ANKRD11: variants seen among roughly 807,000 people sequenced by gnomAD.
The protein encoded by ANKRD11 is ankyrin repeat domain-containing protein 11.
In ANKRD11, 17 loss-of-function variants were observed where a neutral mutation model predicts 195.7. The ratio of observed to expected loss-of-function variants is 0.09; its 90% CI spans 0.06 to 0.13. The LOEUF (loss-of-function observed/expected upper bound fraction) is 0.13. ANKRD11 is among the 10% of genes least tolerant of loss of function. ANKRD11 has a pLI of 1.00. For synonymous variants in ANKRD11, 1,953 were observed against 1,528.1 expected, an observed-to-expected ratio of 1.28 and a Z score of -6.49; for missense variants, 3,735 against 3,566.1, an observed-to-expected ratio of 1.05 and a Z score of -1.21.
At chr16:89,350,202 G>A (rs957663665) in intron 2 of ANKRD11, among the ~76,000 whole-genome samples, 2 of 152,202 alleles carry the variant, frequency 1.3e-5, no homozygotes, top group Non-Finnish European at 2.9e-5. Flanking sequence ...CAAGGACAGA[G>A]CAGATGGAAT....
chr16:89,356,780 C>CAAAAAAA (rs58470031), intron 2 of ANKRD11, among the ~76,000 whole-genome samples: 1 of 103,986 alleles, frequency 9.6e-6, no homozygotes, highest in African/African-American at 3.8e-5. Context: ...GACTCCGTCT[C>CAAAAAAA]AAAAAAAAAA....
At chr16:89,309,832 G>A (rs1029937471) in intron 3 of ANKRD11, among the ~76,000 whole-genome samples, 1 of 152,168 alleles carries the variant, frequency 6.6e-6, no homozygotes, top group Non-Finnish European at 1.5e-5. Flanking sequence ...ATCCTTACCA[G>A]GCACCTCCTG....
chr16:89,488,804 C>T (rs553803267), intron 1 of ANKRD11, among the ~76,000 whole-genome samples: 240 of 152,286 alleles, frequency 1.6e-3, no homozygotes, highest in African/African-American at 5.6e-3. Flanking sequence ...GGATATTGCT[C>T]TAATGACTGC....
At chr16:89,411,605 G>C (rs1597325956) in intron 2 of ANKRD11, among the ~76,000 whole-genome samples, 2 of 152,102 alleles carry the variant, frequency 1.3e-5, no homozygotes, top group East Asian at 3.9e-4. Flanking sequence ...GGAGAGATGG[G>C]GTCTTGCCAC....
chr16:89,398,323 C>G (rs2041544737), intron 2 of ANKRD11, among the ~76,000 whole-genome samples: 2 of 136,806 alleles, frequency 1.5e-5, no homozygotes, highest in Non-Finnish European at 3.2e-5. Context: ...CACTGTGAAA[C>G]AGCTGAAGAC....
At chr16:89,437,562 T>C (rs968015794) in intron 1 of ANKRD11, among the ~76,000 whole-genome samples, 1 of 152,092 alleles carries the variant, frequency 6.6e-6, no homozygotes, top group Non-Finnish European at 1.5e-5. Context: ...GAGACAGTCC[T>C]CCAGAGCTCT....
intron 3 of ANKRD11, among the ~76,000 whole-genome samples, chr16:89,315,764 C>T (rs576990532): frequency 1.6e-4 from 24 of 152,326 alleles, no homozygotes; most frequent in Middle Eastern, 3.4e-3. Context: ...AAATGCTTCA[C>T]GATTCACCAA....
intron 1 of ANKRD11, among the ~76,000 whole-genome samples, chr16:89,428,568 A>G (rs1157745021): frequency 6.6e-6 from 1 of 152,058 alleles, no homozygotes; most frequent in Non-Finnish European, 1.5e-5. Context: ...AAATTCTGCA[A>G]TAACCAACAT....
At chr16:89,343,874 G>C (rs2038814102) in intron 2 of ANKRD11, 2 of 152,282 alleles carry the variant, frequency 1.3e-5, no homozygotes, top group African/African-American at 4.8e-5. Context: ...CACTCCCATG[G>C]ACCAACAGAG....
intron 12 of ANKRD11, chr16:89,270,511 T>G: frequency 2.3e-6 from 1 of 436,732 alleles, no homozygotes; most frequent in Non-Finnish European, 4.3e-6. Context: ...GCTGGGACCT[T>G]AGAGGGGGCT....
rs1385019567 is a variant in ANKRD11, at chr16:89,285,168, T to C, written c.1374A>G (p.Arg458=). 1 of 1,613,498 alleles carries C rather than the reference T, an allele frequency of 6.2e-7. No homozygotes were observed. Among genetic ancestry groups the C allele is most frequent in the African/African-American group, 1.3e-5 (1 of 75,054 alleles). ...QKEKNKVKKK[R]KKETKGREVR... The stretch of plus-strand genomic sequence containing the variant: ...CCTCTCTGCCTTTTGTTTCTTTCTT[T>C]CGCTTCTTTTTCACTTTATTTTTTT... The change falls in exon 9 of 13, where the codon CGA becomes CGG. Residue 458 remains arginine (R), a synonymous_variant. Transcript: ENST00000301030. The surrounding 1 kb of genome is among the most constrained non-coding windows in gnomAD (Gnocchi z 5.6).
intron 2 of ANKRD11, among the ~76,000 whole-genome samples, chr16:89,361,128 C>T (rs2039712135): frequency 6.6e-6 from 1 of 152,196 alleles, no homozygotes; most frequent in African/African-American, 2.4e-5. Context: ...TTACAGACAC[C>T]CTGGCTAGGC....
chr16:89,437,331 T>C (rs1239846406), intron 1 of ANKRD11, among the ~76,000 whole-genome samples: 6 of 152,226 alleles, frequency 3.9e-5, no homozygotes, highest in East Asian at 1.9e-4. Flanking sequence ...TGAAAGACTG[T>C]ATTGTTTGCC....
intron 1 of ANKRD11, among the ~76,000 whole-genome samples, chr16:89,466,131 G>A (rs751259117): frequency 2.6e-5 from 4 of 152,148 alleles, no homozygotes; most frequent in African/African-American, 7.2e-5. Context: ...TGCACTGGCC[G>A]TGGGCTCAGG....
chr16:89,283,481 C>T lies in ANKRD11; in HGVS notation c.3061G>A (p.Glu1021Lys). Reference protein sequence around the residue: ...KKDGPDKERKEKTKPERYKEK... With the variant: ...KKDGPDKERKKKTKPERYKEK... ...TTGTATCTTTCTGGTTTTGTCTTCT[C>T]CTTCCTTTCCTTATCGGGGCCATCC... The change falls in exon 9 of 13, where the codon GAG becomes AAG. Residue 1021 changes from glutamate to lysine, a missense_variant. By Grantham distance (56) the Glu-to-Lys change is moderately conservative (BLOSUM62 1). Transcript: ENST00000301030. This position sits in a 1 kb window ranked among gnomAD's most constrained non-coding sequence, Gnocchi z 4.3. 6.2e-7 allele frequency: 1 copy of T among 1,614,166 alleles called. No homozygotes were observed.
intron 3 of ANKRD11, among the ~76,000 whole-genome samples, chr16:89,307,130 C>CA (rs2036331077): frequency 6.6e-6 from 1 of 152,212 alleles, no homozygotes; most frequent in African/African-American, 2.4e-5. Flanking sequence ...CTTTCCCCAT[C>CA]AGTAAGCCTT....
intron 3 of ANKRD11, among the ~76,000 whole-genome samples, chr16:89,313,865 G>A (rs985911232): frequency 1.3e-5 from 2 of 152,202 alleles, no homozygotes; most frequent in African/African-American, 4.8e-5. Context: ...CCTACTCCCT[G>A]TAATGCGTTT....
intron 1 of ANKRD11, among the ~76,000 whole-genome samples, chr16:89,441,855 G>C (rs986738136): frequency 2.5e-4 from 37 of 148,232 alleles, no homozygotes; most frequent in African/African-American, 9.3e-4. Context: ...TCCACAAGCA[G>C]GAATCTCTCT....
intron 4 of ANKRD11, among the ~76,000 whole-genome samples, chr16:89,302,915 G>C (rs927533604): frequency 6.6e-6 from 1 of 152,172 alleles, no homozygotes; most frequent in African/African-American, 2.4e-5. Flanking sequence ...AAATATCCCA[G>C]AGACCCACAG....
Sources: gnomAD v4.1 joint callset for allele counts (sites outside exome capture counted in the v4.1 genomes callset) on GRCh38, gnomAD v4.1.1 for gene constraint, Gnocchi (gnomAD v3.1) non-coding constraint, MANE v1.5 for transcripts, NCBI Gene and HGNC (gene_info 2026-07-23, HGNC 2026-07-21) for gene names.